AMMECR1: variants seen among roughly 807,000 people sequenced by gnomAD.
AMMECR1 encodes the protein AMMECR nuclear protein 1.
Under a neutral mutation model 22.5 loss-of-function variants are expected in AMMECR1, and 3 were observed. That is an observed-to-expected ratio of 0.13 (90% CI 0.06 to 0.35). The LOEUF (loss-of-function observed/expected upper bound fraction) is 0.35. AMMECR1 is among the 10% of genes least tolerant of loss of function. The pLI is 1.00. For missense variants in AMMECR1, 235 were observed against 278.7 expected, an observed-to-expected ratio of 0.84 and a Z score of 1.12; for synonymous variants, 130 against 116.7, an observed-to-expected ratio of 1.11 and a Z score of -0.74.
At chrX:110,228,432 A>C (rs2067544987) in intron 2 of AMMECR1, among the ~76,000 whole-genome samples, 1 of 111,517 alleles carries the variant, frequency 9.0e-6, no homozygotes, top group Admixed American at 9.6e-5. Flanking sequence ...CTGCATGCCC[A>C]AAGTCACAAA....
At chrX:110,343,093 A>G (rs1160205300) in intron 2 of AMMECR1, among the ~76,000 whole-genome samples, 1 of 112,150 alleles carries the variant, frequency 8.9e-6, no homozygotes, top group Non-Finnish European at 1.9e-5. Context: ...AAAATCCTCA[A>G]TAAAACACTG....
At chrX:110,388,006 C>T (rs1408102906) in intron 2 of AMMECR1, among the ~76,000 whole-genome samples, 2 of 109,645 alleles carry the variant, frequency 1.8e-5, no homozygotes, top group African/African-American at 3.3e-5. Context: ...GGACAACAGG[C>T]GCCCGCCATC....
intron 3 of AMMECR1, among the ~76,000 whole-genome samples, chrX:110,211,559 A>G (rs1388268790): frequency 1.8e-5 from 2 of 112,275 alleles, no homozygotes; most frequent in Non-Finnish European, 3.8e-5. Flanking sequence ...TCTGTCAATC[A>G]CCCTGTCATT....
chrX:110,215,269 G>A (rs1569375189), intron 3 of AMMECR1, among the ~76,000 whole-genome samples: 1 of 111,228 alleles, frequency 9.0e-6, no homozygotes, highest in African/African-American at 3.3e-5. Flanking sequence ...CTGTAGAAAA[G>A]TTTTTTTTCA....
At chrX:110,207,468 T>C (rs955719856) in intron 3 of AMMECR1, among the ~76,000 whole-genome samples, 1 of 111,361 alleles carries the variant, frequency 9.0e-6, no homozygotes, top group Non-Finnish European at 1.9e-5. Context: ...CTAGAAAAGT[T>C]AAGAATTTAA....
intron 1 of AMMECR1, among the ~76,000 whole-genome samples, chrX:110,437,771 C>G (rs371346407): frequency 9.0e-6 from 1 of 111,511 alleles, no homozygotes; most frequent in East Asian, 2.8e-4. Flanking sequence ...GACCTACTCT[C>G]TCTGGGCTGA....
At chrX:110,332,081 A>G (rs2068122980) in intron 2 of AMMECR1, among the ~76,000 whole-genome samples, 1 of 111,507 alleles carries the variant, frequency 9.0e-6, no homozygotes, top group Non-Finnish European at 1.9e-5. Context: ...CCTTGAGGAC[A>G]AGGACAATGT....
chrX:110,211,302 A>C (rs1010471306), intron 3 of AMMECR1, among the ~76,000 whole-genome samples: 1 of 112,372 alleles, frequency 8.9e-6, no homozygotes, highest in Non-Finnish European at 1.9e-5. Flanking sequence ...TGCTATACGA[A>C]TTCTTCTACA....
chrX:110,304,768 T>C (rs1045469396), intron 1 of AMMECR1, among the ~76,000 whole-genome samples: 4 of 112,148 alleles, frequency 3.6e-5, no homozygotes, highest in African/African-American at 9.7e-5. Flanking sequence ...TTCCCAATGC[T>C]TGTTATAGCT....
At position 110,317,613 on chromosome X, in the gene AMMECR1, G is replaced by A. The variant is rs2068055948; in HGVS notation, c.459C>T (p.Phe153=). 8.4e-7 allele frequency: 1 copy of A among 1,190,918 alleles called. No homozygotes were observed. Among genetic ancestry groups the A allele is most frequent in the African/African-American group, 1.8e-5 (1 of 56,908 alleles). The change falls in exon 1 of 6, where the codon TTC becomes TTT. Residue 153 remains phenylalanine (F), a synonymous_variant. Coordinates refer to ENST00000262844, the MANE Select transcript of AMMECR1 (RefSeq NM_015365.3). ...ACGGTACTCACTAGGGCTCGTTGGT[G>A]AATCGGGGGGTCCGGGGCTGCTGGT... ...YGYQQPRTPR[F]TNEPYPLFVT...
chrX:110,265,620 C>T (rs1442932275), intron 1 of AMMECR1, among the ~76,000 whole-genome samples: 2 of 111,455 alleles, frequency 1.8e-5, no homozygotes, highest in South Asian at 3.7e-4. Context: ...ATAATTTACC[C>T]ATTTTAGGAC....
intron 2 of AMMECR1, among the ~76,000 whole-genome samples, chrX:110,229,109 GT>G (rs1157446528): frequency 8.9e-6 from 1 of 112,363 alleles, no homozygotes; most frequent in African/African-American, 3.2e-5. Context: ...GATTCTTGAT[GT>G]ACTGCTAAAG....
chrX:110,218,032 A>G (rs2067482784), intron 2 of AMMECR1, among the ~76,000 whole-genome samples: 1 of 111,453 alleles, frequency 9.0e-6, no homozygotes, highest in African/African-American at 3.3e-5. Context: ...GATAATTCAT[A>G]CTCTGAGAAC....
intron 2 of AMMECR1, among the ~76,000 whole-genome samples, chrX:110,239,721 C>T (rs1225836108): frequency 1.8e-5 from 2 of 110,699 alleles, no homozygotes; most frequent in Admixed American, 9.6e-5. Context: ...AGATACTCCT[C>T]GAGAAGAGGA....
At chrX:110,208,772 T>C (rs540874683) in intron 3 of AMMECR1, among the ~76,000 whole-genome samples, 5 of 111,348 alleles carry the variant, frequency 4.5e-5, no homozygotes, top group East Asian at 2.8e-4. Context: ...ATGAAGGAAA[T>C]TGATCTTACT....
chrX:110,325,318 C>T (rs1054866214), intron 2 of AMMECR1, among the ~76,000 whole-genome samples: 2 of 111,718 alleles, frequency 1.8e-5, no homozygotes, highest in African/African-American at 6.5e-5. Flanking sequence ...CAATTATACT[C>T]TTAGTTATTT....
At chrX:110,251,476 T>G (rs747644952) in intron 2 of AMMECR1, among the ~76,000 whole-genome samples, 1 of 112,331 alleles carries the variant, frequency 8.9e-6, no homozygotes, top group South Asian at 3.7e-4. Flanking sequence ...AGTGTGAGGT[T>G]AGGTCCTCAA....
At chrX:110,316,859 G>A (rs779137229) in intron 1 of AMMECR1, among the ~76,000 whole-genome samples, 1 of 109,094 alleles carries the variant, frequency 9.2e-6, no homozygotes, top group South Asian at 4.1e-4. Context: ...GTGGCTCTGT[G>A]GGGACAGTTC....
intron 1 of AMMECR1, among the ~76,000 whole-genome samples, chrX:110,429,722 T>A (rs915329979): frequency 9.0e-6 from 1 of 111,341 alleles, no homozygotes; most frequent in Non-Finnish European, 1.9e-5. Flanking sequence ...CCTCAAGTGT[T>A]CCACCTGTCT....
Sources: allele counts gnomAD v4.1 joint callset (sites outside exome capture counted in the v4.1 genomes callset), GRCh38; gene constraint gnomAD v4.1.1; transcripts MANE v1.5; gene names NCBI Gene and HGNC (gene_info 2026-07-23, HGNC 2026-07-21).